CIB4: variants seen among roughly 807,000 people sequenced by gnomAD.
CIB4 encodes the protein calcium and integrin-binding family member 4.
CIB4 carries 25 observed loss-of-function variants against 25.8 expected under a neutral mutation model. The ratio of observed to expected loss-of-function variants is 0.97; its 90% CI spans 0.71 to 1.35. The LOEUF is 1.35. Ranked by LOEUF, CIB4 falls within the 40% of genes most tolerant of loss-of-function variation. The pLI, the probability that CIB4 is intolerant of heterozygous loss-of-function variation, is 0.00. For missense variants in CIB4, 235 were observed against 228.2 expected, an observed-to-expected ratio of 1.03 and a Z score of -0.19; for synonymous variants, 75 against 81.4, an observed-to-expected ratio of 0.92 and a Z score of 0.42.
At chr2:26,589,066 CTCTTCCTCTTCTTCTTCTTCTTCT>C (rs1558554909) in intron 4 of CIB4, among the ~76,000 whole-genome samples, 1,430 of 46,362 alleles carry the variant, frequency 0.031, 163 homozygotes, top group South Asian at 0.058. Context: ...CTTCCTCTTC[CTCTTCCTCTTCTTCTTCTTCTTCT>C]TCTTCTTCTT....
At chr2:26,621,484 AAGCC>A (rs1209718050) in intron 3 of CIB4, among the ~76,000 whole-genome samples, 2 of 151,966 alleles carry the variant, frequency 1.3e-5, no homozygotes, top group Admixed American at 6.6e-5. Context: ...AGAATTACTT[AAGCC>A]CAGGAGATCA....
intron 4 of CIB4, among the ~76,000 whole-genome samples, chr2:26,590,428 G>C (rs1398548328): frequency 6.6e-6 from 1 of 152,144 alleles, no homozygotes; most frequent in Non-Finnish European, 1.5e-5. Flanking sequence ...CTGCATTTCT[G>C]ATAAGCTTCC....
In CIB4 at chr2:26,582,838, G is replaced by C. The variant is rs1668373495; in HGVS notation, c.514C>G (p.Pro172Ala). 6.2e-7 allele frequency: 1 copy of C among 1,611,700 alleles called. No individual in the cohort carries two copies. The highest frequency in any genetic ancestry group is 8.5e-7 in the Non-Finnish European group (1 of 1,177,974). ...SEFEHAMAKSPDFMNSFRIHF... is the reference protein window; with the variant it reads ...SEFEHAMAKSADFMNSFRIHF... ...AGAATGCCTTACTTCATGAAATCTG[G>C]AGACTTGGCCATTGCATGTTCAAAC... is the stretch of plus-strand genomic sequence containing the variant. The change falls in exon 6 of 7, where the codon CCA becomes GCA. Residue 172 changes from proline to alanine, a missense_variant. Physicochemically the swap from Pro to Ala is conservative, Grantham distance 27. Transcript: ENST00000288861.
intron 6 of CIB4, among the ~76,000 whole-genome samples, chr2:26,582,319 C>T (rs1165247088): frequency 2.0e-5 from 3 of 152,208 alleles, no homozygotes; most frequent in Non-Finnish European, 2.9e-5. Context: ...TCAACGTGGC[C>T]AGGGAGATCT....
Position 26,581,431 on chromosome 2 carries a change from G to C in CIB4, c.528-38C>G, listed in dbSNP as rs762867026. The C allele has an allele frequency of 4.3e-6, 7 of 1,609,536 alleles. No individual in the cohort carries two copies. The Middle Eastern group carries it at 5.0e-4, about 114-fold the overall frequency. On this transcript the variant is annotated intron_variant, in intron 6 of 6. Transcript: ENST00000288861. The stretch of plus-strand genomic sequence containing the variant: ...ATCCCGTGAGCCATGTGAGCCCGCA[G>C]GTCCAAGGGGCCCTCTGACTCCTGG...
chr2:26,596,053 T>C lies in CIB4; in HGVS notation c.187-736A>G, dbSNP rs1668677787. 5.3e-5 allele frequency among the ~76,000 whole-genome samples: 8 copies of C among 152,178 alleles called. No individual in the cohort carries two copies. In the South Asian group the frequency reaches 1.2e-3, roughly 24 times the overall value. On this transcript the variant is annotated intron_variant, in intron 3 of 6. Coordinates refer to ENST00000288861, the MANE Select transcript of CIB4 (RefSeq NM_001029881.3). ...TGCAGAGAAAATATTGCCTAAGATATACAGAAATAAGTATTTGAACAAATT... is the reference window on the plus strand; with the variant it reads ...TGCAGAGAAAATATTGCCTAAGATACACAGAAATAAGTATTTGAACAAATT...
At chr2:26,604,492 G>T (rs1572552967) in intron 3 of CIB4, among the ~76,000 whole-genome samples, 1 of 152,090 alleles carries the variant, frequency 6.6e-6, no homozygotes, top group Non-Finnish European at 1.5e-5. Flanking sequence ...AACTAAGCAA[G>T]CCAGAAGACA....
chr2:26,618,211 C>G lies in CIB4; in HGVS notation c.186+11199G>C, dbSNP rs373045533. Among the ~76,000 whole-genome samples the G allele has an allele frequency of 3.3e-5, 5 of 152,312 alleles. No individual in the cohort carries two copies. The East Asian group carries it at 5.8e-4, about 18-fold the overall frequency. On this transcript the variant is annotated intron_variant, in intron 3 of 6. Transcript: ENST00000288861. Reference sequence around the variant, plus strand: ...TAACACCCTCCACATGTGCCATATCCAGAGGAAAAGAGGCTCAAAAACCCA... The same window carrying G: ...TAACACCCTCCACATGTGCCATATCGAGAGGAAAAGAGGCTCAAAAACCCA...
intron 3 of CIB4, among the ~76,000 whole-genome samples, chr2:26,616,792 C>G (rs1669100606): frequency 6.6e-6 from 1 of 152,242 alleles, no homozygotes; most frequent in Non-Finnish European, 1.5e-5. Context: ...TGTATCCACA[C>G]AGGCACACAC....
At chr2:26,629,936 CA>C (rs979841013) in intron 2 of CIB4, among the ~76,000 whole-genome samples, 1 of 152,188 alleles carries the variant, frequency 6.6e-6, no homozygotes, top group African/African-American at 2.4e-5. Context: ...TGCCAATTTC[CA>C]TCCTCAACCC....
At chr2:26,613,763 C>A (rs1016827910) in intron 3 of CIB4, among the ~76,000 whole-genome samples, 9 of 152,158 alleles carry the variant, frequency 5.9e-5, no homozygotes, top group African/African-American at 2.2e-4. Context: ...ACAGAAGGGG[C>A]CTGGGCTCTT....
At chr2:26,599,078 C>G (rs1423795850) in intron 3 of CIB4, among the ~76,000 whole-genome samples, 1 of 152,200 alleles carries the variant, frequency 6.6e-6, no homozygotes, top group Non-Finnish European at 1.5e-5. Flanking sequence ...AGAGAGTTAT[C>G]ATCTGTATGA....
Position 26,581,391 on chromosome 2 carries a change from G to A in CIB4, c.530C>T (p.Ser177Phe). Residue 177 changes from serine to phenylalanine, a missense_variant and splice_region_variant, in exon 7 of 7, where the codon TCC becomes TTC. By Grantham distance (155) the Ser-to-Phe change is radical (BLOSUM62 -2). Coordinates refer to ENST00000288861, the MANE Select transcript of CIB4 (RefSeq NM_001029881.3). ...GCATCCCCAGAAGTGAATCCGAAAG[G>A]AGCTGAAAGAAAGAATCCCGTGAGC... ...AMAKSPDFMNSFRIHFWGC is the reference protein window; with the variant it reads ...AMAKSPDFMNFFRIHFWGC 6.2e-7 allele frequency: 1 copy of A among 1,613,648 alleles called. No homozygotes were observed. The highest frequency in any genetic ancestry group is 8.5e-7 in the Non-Finnish European group (1 of 1,179,750).
rs151017666 is a variant in CIB4 at position 26,622,641 on chromosome 2, C to T, written c.186+6769G>A. On this transcript the variant is annotated intron_variant, in intron 3 of 6. Coordinates refer to ENST00000288861, the MANE Select transcript of CIB4 (RefSeq NM_001029881.3). ...TGAGAAGAGGAAATGTGGCAACCCT[C>T]ATAGGGCAACTTAACTCCTGGCACA... Among the ~76,000 whole-genome samples the T allele has an allele frequency of 3.8e-3, 579 of 152,170 alleles. 2 individuals are homozygous for T. Among genetic ancestry groups the T allele is most frequent in the African/African-American group, 0.012 (518 of 41,522 alleles).
rs770047646 is a variant in CIB4 at position 26,583,789 on chromosome 2, G to A, written c.438C>T (p.His146=). The A allele has an allele frequency of 1.5e-5, 24 of 1,597,754 alleles. No homozygotes were observed. Among genetic ancestry groups the A allele is most frequent in the Non-Finnish European group, 1.9e-5 (22 of 1,166,290 alleles). ...SEDLLMDLTN[H]VLSESDLDND... is the part of the protein sequence containing the mutation. ...CCAACTCCCAGCCCCCAGCACACAC[G>A]TGGTTCGTGAGGTCCATCAGGAGGT... is the stretch of plus-strand genomic sequence containing the variant. Residue 146 remains histidine (H), a splice_region_variant and synonymous_variant, in exon 5 of 7, where the codon CAC becomes CAT. Coordinates refer to ENST00000288861, the MANE Select transcript of CIB4 (RefSeq NM_001029881.3).
chr2:26,582,952 A>ACCTCACTGCCTGACATGGGGT, intron 5 of CIB4, 39 bp from the exon 6 acceptor site: 1 of 1,429,938 alleles, frequency 7.0e-7, no homozygotes, highest in Non-Finnish European at 9.9e-7. Context: ...GTGGAACCCC[A>ACCTCACTGCCTGACATGGGGT]TGTCAGGCAG....
At chr2:26,583,604 A>G (rs1572535094) in intron 5 of CIB4, among the ~76,000 whole-genome samples, 185 bp downstream of exon 5, 1 of 152,074 alleles carries the variant, frequency 6.6e-6, no homozygotes, top group Non-Finnish European at 1.5e-5. Flanking sequence ...TCCTCAGGGC[A>G]CCCTGAGCTG....
In CIB4 at chr2:26,627,396, G is replaced by A. The variant is rs1323622841; in HGVS notation, c.186+2014C>T. 6.6e-6 allele frequency among the ~76,000 whole-genome samples: 1 copy of A among 152,180 alleles called. No individual in the cohort carries two copies. The highest frequency in any genetic ancestry group is 2.4e-5 in the African/African-American group (1 of 41,446). On this transcript the variant is annotated intron_variant, in intron 3 of 6. Coordinates refer to ENST00000288861, the MANE Select transcript of CIB4 (RefSeq NM_001029881.3). This position sits in a 1 kb window ranked among gnomAD's most constrained non-coding sequence, Gnocchi z 4.0. ...GAGCATTTGACAGTGACTAGACTGG[G>A]TGGTCTCTAAGTTTCTTTCCAGTCG...
chr2:26,602,628 C>T (rs1214712074), intron 3 of CIB4, among the ~76,000 whole-genome samples: 1 of 152,068 alleles, frequency 6.6e-6, no homozygotes, highest in African/African-American at 2.4e-5. Context: ...GTATACATAC[C>T]TATATTTTCT....
Sources: allele counts gnomAD v4.1 joint callset (sites outside exome capture counted in the v4.1 genomes callset), GRCh38; gene constraint gnomAD v4.1.1; non-coding constraint Gnocchi (gnomAD v3.1); transcripts MANE v1.5; gene names NCBI Gene and HGNC (gene_info 2026-07-23, HGNC 2026-07-21).